STK3: variants seen among roughly 807,000 people sequenced by gnomAD.
STK3 encodes the protein serine/threonine-protein kinase 3.
Under a neutral mutation model 58.0 loss-of-function variants are expected in STK3, and 41 were observed. The observed-to-expected ratio is 0.71, with a 90% CI of 0.55 to 0.92. STK3 has a LOEUF of 0.92. STK3 is among the 40% of genes least tolerant of loss of function. The pLI, the probability that STK3 is intolerant of heterozygous loss-of-function variation, is 0.00. For synonymous variants in STK3, 170 were observed against 191.0 expected, an observed-to-expected ratio of 0.89 and a Z score of 0.91; for missense variants, 479 against 602.7, an observed-to-expected ratio of 0.79 and a Z score of 2.15.
intron 3 of STK3, chr8:98,875,171 A>C (rs1222803394): frequency 1.3e-5 from 2 of 152,220 alleles, no homozygotes; most frequent in African/African-American, 4.8e-5. Flanking sequence ...GTCTTCCTCA[A>C]TTATGTGGAA....
intron 1 of STK3, among the ~76,000 whole-genome samples, chr8:98,446,084 T>A (rs1818936162): frequency 1.3e-5 from 2 of 152,236 alleles, no homozygotes; most frequent in Non-Finnish European, 2.9e-5. Flanking sequence ...CCGAAAGGTA[T>A]GCTAGACATT....
chr8:98,630,425 T>G (rs572527719), intron 6 of STK3, among the ~76,000 whole-genome samples: 84 of 152,110 alleles, frequency 5.5e-4, no homozygotes, highest in Non-Finnish European at 6.0e-4. Flanking sequence ...GAGGACTGCT[T>G]GAGCCCACGT....
intron 1 of STK3, among the ~76,000 whole-genome samples, chr8:98,784,134 G>A (rs1252895945): frequency 6.6e-6 from 1 of 152,198 alleles, no homozygotes; most frequent in Non-Finnish European, 1.5e-5. Flanking sequence ...ATGCTGTGAG[G>A]GACAGACACT....
chr8:98,502,214 A>G (rs1378576606), intron 10 of STK3, among the ~76,000 whole-genome samples: 18 of 151,400 alleles, frequency 1.2e-4, no homozygotes, highest in African/African-American at 4.4e-4. Flanking sequence ...TTTGTCTGTT[A>G]TTGGTGTATA....
intron 7 of STK3, among the ~76,000 whole-genome samples, chr8:98,589,395 C>T (rs1410531292): frequency 2.6e-5 from 4 of 152,194 alleles, no homozygotes; most frequent in Admixed American, 2.6e-4. Context: ...AGGGTGCCTC[C>T]CAGTTAGGCT....
At chr8:98,936,024 C>A (rs1475036867) in intron 1 of STK3, among the ~76,000 whole-genome samples, 1 of 152,056 alleles carries the variant, frequency 6.6e-6, no homozygotes, top group Non-Finnish European at 1.5e-5. Flanking sequence ...TCATGCCATT[C>A]TCCCACTTCA....
At chr8:98,838,092 A>G (rs1835813276) in intron 3 of STK3, among the ~76,000 whole-genome samples, 1 of 151,142 alleles carries the variant, frequency 6.6e-6, no homozygotes, top group Admixed American at 6.6e-5. Flanking sequence ...AAAAAAAAAA[A>G]AAAAGTCAGA....
At chr8:98,404,924 C>T (rs1817979086) in intron 3 of STK3, among the ~76,000 whole-genome samples, 1 of 152,092 alleles carries the variant, frequency 6.6e-6, no homozygotes, top group South Asian at 2.1e-4. Flanking sequence ...TGAATAAGCA[C>T]ACAATAACTA....
intron 4 of STK3, among the ~76,000 whole-genome samples, chr8:98,717,611 G>A (rs1587407332): frequency 1.3e-5 from 2 of 152,142 alleles, no homozygotes; most frequent in East Asian, 3.8e-4. Context: ...ATAGTATGAA[G>A]ATTCCTTTAA....
In STK3 at chr8:98,700,222, C is replaced by T. The variant is rs887696774; in HGVS notation, c.684+6245G>A. Among the ~76,000 whole-genome samples the T allele has an allele frequency of 3.3e-5, 5 of 152,214 alleles. No homozygotes were observed. The East Asian group carries it at 5.8e-4, about 18-fold the overall frequency. On this transcript the variant is annotated intron_variant, in intron 6 of 10. Coordinates refer to ENST00000419617, the MANE Select transcript of STK3 (RefSeq NM_006281.4). ...CCGTTTTTTAAGCCCCTCGGAAAAG[C>T]GCAGTATTAGGGTGGGAGCGACCCG...
At position 98,508,971 on chromosome 8, in the gene STK3, G is replaced by A. The variant is rs200994807; in HGVS notation, c.1317+17771C>T. ...TATAAATTGAGTAAACAAAAACTCA[G>A]GGAAACTCATCTAAAAAAATAAAAA... On this transcript the variant is annotated intron_variant, in intron 10 of 10. Coordinates refer to ENST00000419617, the MANE Select transcript of STK3 (RefSeq NM_006281.4). Among the ~76,000 whole-genome samples, 4 of 151,892 alleles carry A rather than the reference G, an allele frequency of 2.6e-5. No individual in the cohort carries two copies. The East Asian group carries it at 7.7e-4, about 29-fold the overall frequency.
At chr8:98,758,719 T>C (rs1376049348) in intron 3 of STK3, among the ~76,000 whole-genome samples, 1 of 152,240 alleles carries the variant, frequency 6.6e-6, no homozygotes, top group Non-Finnish European at 1.5e-5. Context: ...TAGAAGGCTG[T>C]TTCGTCTACA....
intron 6 of STK3, among the ~76,000 whole-genome samples, chr8:98,640,382 C>T (rs1439011733): frequency 6.6e-6 from 1 of 152,182 alleles, no homozygotes; most frequent in Non-Finnish European, 1.5e-5. Context: ...GAATTTTATA[C>T]ACAAAATTGT....
intron 6 of STK3, among the ~76,000 whole-genome samples, chr8:98,641,811 G>C (rs1296388551): frequency 6.6e-6 from 1 of 152,124 alleles, no homozygotes; most frequent in East Asian, 1.9e-4. Flanking sequence ...ACATCACAAG[G>C]AGTATAATTC....
chr8:98,606,723 T>C (rs1816801819), intron 6 of STK3, among the ~76,000 whole-genome samples: 1 of 152,222 alleles, frequency 6.6e-6, no homozygotes, highest in Non-Finnish European at 1.5e-5. Context: ...TCACATGTCC[T>C]GATTCTACAA....
chr8:98,887,084 G>T (rs909737985), intron 1 of STK3, among the ~76,000 whole-genome samples: 3 of 152,022 alleles, frequency 2.0e-5, no homozygotes, highest in Non-Finnish European at 4.4e-5. Context: ...GCAACAGAGC[G>T]AGACTCCACC....
chr8:98,893,476 AAGAAAGAAAG>A (rs1587812517), intron 1 of STK3, among the ~76,000 whole-genome samples: 1,446 of 68,484 alleles, frequency 0.021, 9 homozygotes, highest in African/African-American at 0.055. Flanking sequence ...GAAAGAAAGA[AAGAAAGAAAG>A]AGAAAGAAAG....
chr8:98,361,986 G>A, the STK3 span, among the ~76,000 whole-genome samples: 1 of 152,188 alleles, frequency 6.6e-6, no homozygotes, highest in African/African-American at 2.4e-5. Context: ...TCTGTCAACT[G>A]GAACTGGCTT....
At chr8:98,620,740 C>G (rs912029598) in intron 6 of STK3, among the ~76,000 whole-genome samples, 1 of 151,636 alleles carries the variant, frequency 6.6e-6, no homozygotes, top group African/African-American at 2.4e-5. Context: ...ATCAATGTAA[C>G]AAACAGCTAT....
Sources: gnomAD v4.1 joint callset for allele counts (sites outside exome capture counted in the v4.1 genomes callset) on GRCh38, gnomAD v4.1.1 for gene constraint, MANE v1.5 for transcripts, NCBI Gene and HGNC (gene_info 2026-07-23, HGNC 2026-07-21) for gene names.